LRP1B: variants seen among roughly 807,000 people sequenced by gnomAD.
LRP1B encodes the protein low-density lipoprotein receptor-related protein 1B.
In LRP1B, 217 loss-of-function variants were observed where a neutral mutation model predicts 556.6. The observed-to-expected ratio is 0.39, with a 90% CI of 0.35 to 0.44. The LOEUF is 0.44. Ranked by LOEUF, LRP1B falls within the 20% of genes least tolerant of loss-of-function variation. The pLI is 1.00. For synonymous variants in LRP1B, 2,047 were observed against 1,865.8 expected (o/e 1.10, Z -2.50); for missense variants, 5,053 against 5,620.8 (o/e 0.90, Z 3.23).
intron 41 of LRP1B, among the ~76,000 whole-genome samples, chr2:140,612,561 C>T (rs62172847): frequency 0.19 from 29,189 of 151,972 alleles, 3,343 homozygotes; most frequent in South Asian, 0.39. Flanking sequence ...ACCTCCTTTG[C>T]GTTTAAGCTT....
chr2:140,636,192 C>T (rs1175891504), intron 41 of LRP1B, among the ~76,000 whole-genome samples: 1 of 152,108 alleles, frequency 6.6e-6, no homozygotes, highest in African/African-American at 2.4e-5. Context: ...AAGAAATTTT[C>T]TCTAGATTAC....
chr2:141,907,386 T>C (rs1370052737), intron 1 of LRP1B, among the ~76,000 whole-genome samples: 1 of 152,034 alleles, frequency 6.6e-6, no homozygotes, highest in Non-Finnish European at 1.5e-5. Flanking sequence ...TAAATGTGAA[T>C]ATAATTTTTA....
chr2:140,808,557 A>AT (rs1573746724), intron 32 of LRP1B, among the ~76,000 whole-genome samples: 1 of 152,018 alleles, frequency 6.6e-6, no homozygotes, highest in African/African-American at 2.4e-5. Flanking sequence ...CTGATCTGCT[A>AT]TTTTTTCCCT....
chr2:141,418,638 T>A (rs1282006959), intron 3 of LRP1B, among the ~76,000 whole-genome samples: 1 of 152,140 alleles, frequency 6.6e-6, no homozygotes, highest in Non-Finnish European at 1.5e-5. Context: ...TGTAGCTCTG[T>A]AATTAATGTG....
chr2:141,170,146 C>T (rs995323628), intron 7 of LRP1B, among the ~76,000 whole-genome samples: 1 of 152,096 alleles, frequency 6.6e-6, no homozygotes, highest in African/African-American at 2.4e-5. Flanking sequence ...TTTTAATAGA[C>T]ACCTGTCCTT....
chr2:142,016,718 C>T (rs1006356924), intron 1 of LRP1B, among the ~76,000 whole-genome samples: 1 of 151,852 alleles, frequency 6.6e-6, no homozygotes, highest in East Asian at 1.9e-4. Flanking sequence ...AGTAGAAATA[C>T]CTAATGTAGA....
At chr2:140,378,447 CATAAT>C (rs1683332376) in intron 67 of LRP1B, among the ~76,000 whole-genome samples, 161 bp from the exon 68 acceptor site, 1 of 152,012 alleles carries the variant, frequency 6.6e-6, no homozygotes, top group Non-Finnish European at 1.5e-5. Context: ...ATCTATGGTA[CATAAT>C]ATAATAATTT....
At chr2:140,725,457 G>T (rs1322432081) in intron 35 of LRP1B, among the ~76,000 whole-genome samples, 1 of 142,418 alleles carries the variant, frequency 7.0e-6, no homozygotes, top group Non-Finnish European at 1.5e-5. Context: ...TTATAATAGC[G>T]TAAAAACTCC....
At chr2:141,318,662 T>C (rs977987008) in intron 3 of LRP1B, among the ~76,000 whole-genome samples, 3 of 152,120 alleles carry the variant, frequency 2.0e-5, no homozygotes, top group Non-Finnish European at 2.9e-5. Context: ...GATGAAAATA[T>C]GAATGTCACT....
intron 69 of LRP1B, 41 bp downstream of exon 69, chr2:140,372,967 T>C: frequency 1.2e-6 from 2 of 1,605,392 alleles, no homozygotes; most frequent in Non-Finnish European, 1.7e-6. Context: ...TCTATCAAGG[T>C]AAAATGTTAA....
intron 43 of LRP1B, among the ~76,000 whole-genome samples, chr2:140,544,740 G>A (rs147394660): frequency 2.6e-5 from 4 of 152,156 alleles, no homozygotes; most frequent in East Asian, 3.9e-4. Flanking sequence ...GCATTAGGTC[G>A]ATTCCATGTC....
At chr2:141,532,960 T>C (rs1029371164) in intron 2 of LRP1B, among the ~76,000 whole-genome samples, 5 of 152,058 alleles carry the variant, frequency 3.3e-5, no homozygotes, top group African/African-American at 1.2e-4. Flanking sequence ...CACTCCAACC[T>C]AGGCAACAGA....
intron 49 of LRP1B, among the ~76,000 whole-genome samples, chr2:140,523,821 T>C (rs1044791129): frequency 6.6e-6 from 1 of 151,714 alleles, no homozygotes; most frequent in Non-Finnish European, 1.5e-5. Flanking sequence ...AAAAATTAAG[T>C]CAAAGAAGTT....
chr2:141,268,951 G>A (rs969039955), intron 3 of LRP1B, among the ~76,000 whole-genome samples: 6 of 152,122 alleles, frequency 3.9e-5, no homozygotes, highest in African/African-American at 1.4e-4. Context: ...AAAGAGGCAA[G>A]CCAAGAAGAC....
chr2:140,484,323 T>C (rs961492042), intron 59 of LRP1B, among the ~76,000 whole-genome samples: 1 of 152,144 alleles, frequency 6.6e-6, no homozygotes, highest in Non-Finnish European at 1.5e-5. Flanking sequence ...CTTTGCCAAT[T>C]ATAAACATGA....
intron 2 of LRP1B, among the ~76,000 whole-genome samples, chr2:141,616,445 A>C (rs1240141600): frequency 6.6e-6 from 1 of 152,212 alleles, no homozygotes. Context: ...TCTTTTAAGA[A>C]TTACTGACAC....
intron 6 of LRP1B, among the ~76,000 whole-genome samples, chr2:141,212,568 G>A (rs559718185): frequency 3.2e-4 from 49 of 151,826 alleles, no homozygotes; most frequent in Non-Finnish European, 5.9e-4. Context: ...ACACACGTGA[G>A]CGACCATGCC....
intron 83 of LRP1B, among the ~76,000 whole-genome samples, chr2:140,313,674 A>C (rs2105033196): frequency 6.6e-6 from 1 of 152,052 alleles, no homozygotes; most frequent in African/African-American, 2.4e-5. Flanking sequence ...TTTTTCCCTA[A>C]AGGAGATATT....
At chr2:140,804,018 T>C (rs1350708206) in intron 32 of LRP1B, among the ~76,000 whole-genome samples, 3 of 151,678 alleles carry the variant, frequency 2.0e-5, no homozygotes, top group Non-Finnish European at 4.4e-5. Context: ...CCTTTGAAAC[T>C]TGAAGTTTCA....
Sources: gnomAD v4.1 joint callset for allele counts (sites outside exome capture counted in the v4.1 genomes callset) on GRCh38, gnomAD v4.1.1 for gene constraint, MANE v1.5 for transcripts, NCBI Gene and HGNC (gene_info 2026-07-23, HGNC 2026-07-21) for gene names.